Variants in ABCA2 observed in about 807,000 individuals in gnomAD.
ABCA2 encodes ATP-binding cassette sub-family A member 2.
A neutral mutation model predicts 262.8 loss-of-function variants in ABCA2; 84 were observed. The ratio of observed to expected loss-of-function variants is 0.32; its 90% confidence interval spans 0.27 to 0.38. The LOEUF is 0.38. ABCA2 is among the 10% of genes least tolerant of loss of function. ABCA2 has a pLI of 1.00. For synonymous variants in ABCA2, 1,696 were observed against 1,502.9 expected (o/e 1.13, Z -2.97); for missense variants, 2,662 against 3,405.9 (o/e 0.78, Z 5.44).
At position 137,017,029 on chromosome 9, in the gene ABCA2, C is replaced by T; in HGVS notation, c.2649G>A (p.Gln883=). The T allele has an allele frequency of 6.2e-7, 1 of 1,612,828 alleles. No homozygotes were observed. Among genetic ancestry groups the T allele is most frequent in the East Asian group, 2.2e-5 (1 of 44,886 alleles). The change falls in exon 19 of 49, where the codon CAG becomes CAA. Residue 883 remains glutamine, a synonymous_variant. Transcript: ENST00000341511. ...GVGIQWHTFS[Q]SPVEGDDFNL... is the part of the protein sequence containing the mutation. The stretch of plus-strand genomic sequence containing the variant: ...TGAAGTCGTCCCCCTCCACCGGGGA[C>T]TGGCTGAAGGTGTGCCACTGGATGC...
In ABCA2 at chr9:137,011,381, C is replaced by A. The variant is rs1215688639; in HGVS notation, c.5799+26G>T. On this transcript the variant is annotated intron_variant, in intron 37 of 48. Coordinates refer to ENST00000341511, the MANE Select transcript of ABCA2 (RefSeq NM_001606.5). The surrounding 1 kb of genome is among the most constrained non-coding windows in gnomAD (Gnocchi z 8.8). ...GGCACAGCCTCCGCAGGGTCCGCCACCCCCACCATGTCGTCACCGCCCCAC... is the reference window on the plus strand; with the variant it reads ...GGCACAGCCTCCGCAGGGTCCGCCAACCCCACCATGTCGTCACCGCCCCAC... The A allele has an allele frequency of 5.0e-6, 8 of 1,608,136 alleles. No individual in the cohort carries two copies. The highest frequency in any genetic ancestry group is 5.9e-6 in the Non-Finnish European group (7 of 1,177,624).
In ABCA2 at chr9:137,009,628, C is replaced by A. The variant is rs1830962266; in HGVS notation, c.6647G>T (p.Gly2216Val). ...GAAGCGCCGGGCCTTGGGGTCCATGCCTGTGGTGGGCTCGTCCTGGGGATG... is the reference window on the plus strand; with the variant it reads ...GAAGCGCCGGGCCTTGGGGTCCATGACTGTGGTGGGCTCGTCCTGGGGATG... ...AFIFLDEPTT[G>V]MDPKARRFLW... The change falls in exon 44 of 49, where the codon GGC (glycine) becomes GTC (valine). Residue 2216 changes from glycine to valine, a missense_variant. Coordinates refer to ENST00000341511, the MANE Select transcript of ABCA2 (RefSeq NM_001606.5). The A allele has an allele frequency of 6.2e-7, 1 of 1,612,916 alleles. No homozygotes were observed.
Position 137,019,527 on chromosome 9 carries a change from A to G in ABCA2, c.1426-221T>C, listed in dbSNP as rs1831380900. 3.9e-6 allele frequency: 2 copies of G among 518,942 alleles called. No homozygotes were observed. The highest frequency in any genetic ancestry group is 6.7e-6 in the Non-Finnish European group (2 of 297,608). 32.1% of individuals were successfully genotyped at this position (518,942 alleles called of 1,614,324 possible). A position where few individuals can be genotyped will look rare whatever the true frequency, so the allele number is the denominator to read the frequency against. On this transcript the variant is annotated intron_variant, in intron 10 of 48. Transcript: ENST00000341511. The surrounding 1 kb of genome is among the most constrained non-coding windows in gnomAD (Gnocchi z 4.4). ...AGCCTCCACCTCCCAGGCTCAAGGG[A>G]TCCTCCCGCCTCAGCCCTCCAAGTA...
intron 1 of ABCA2, among the ~76,000 whole-genome samples, chr9:137,025,809 G>A (rs1831635401): frequency 6.6e-6 from 1 of 152,186 alleles, no homozygotes; most frequent in Non-Finnish European, 1.5e-5. Flanking sequence ...TATAGCAACG[G>A]CCTCGCACGA....
intron 1 of ABCA2, 97 bp from the exon 2 acceptor site, chr9:137,024,333 C>T (rs1445512392): frequency 1.7e-5 from 18 of 1,085,836 alleles, no homozygotes; most frequent in Middle Eastern, 2.1e-4. Flanking sequence ...GACAGGACCA[C>T]GTGCTCCCTG....
chr9:137,021,243 C>G lies in ABCA2; in HGVS notation c.897+149G>C, dbSNP rs943836102. The G allele has an allele frequency of 7.8e-7, 1 of 1,284,034 alleles. No homozygotes were observed. Among genetic ancestry groups the G allele is most frequent in the South Asian group, 1.5e-5 (1 of 67,430 alleles). 79.5% of individuals were successfully genotyped at this position (1,284,034 alleles called of 1,614,324 possible). On this transcript the variant is annotated intron_variant, in intron 8 of 48. Coordinates refer to ENST00000341511, the MANE Select transcript of ABCA2 (RefSeq NM_001606.5). The surrounding 1 kb of genome is among the most constrained non-coding windows in gnomAD (Gnocchi z 6.0). ...TGGGATGGTGAGCAGGAGTGGGGCA[C>G]CAGCCATGGTGCCATTGGATACCCA...
chr9:137,021,254 G>T lies in ABCA2; in HGVS notation c.897+138C>A. On this transcript the variant is annotated intron_variant, in intron 8 of 48. Coordinates refer to ENST00000341511, the MANE Select transcript of ABCA2 (RefSeq NM_001606.5). The surrounding 1 kb of genome is among the most constrained non-coding windows in gnomAD (Gnocchi z 6.0). The stretch of plus-strand genomic sequence containing the variant: ...GCAGGAGTGGGGCACCAGCCATGGT[G>T]CCATTGGATACCCACCCACAGGCAG... The T allele has an allele frequency of 7.7e-7, 1 of 1,299,872 alleles. No individual in the cohort carries two copies. The highest frequency in any genetic ancestry group is 1.0e-6 in the Non-Finnish European group (1 of 962,382). The allele number at this position is 1,299,872 out of a possible 1,614,324, so 80.5% of individuals were successfully genotyped here.
In ABCA2 at chr9:137,011,541, G is replaced by T; in HGVS notation, c.5665C>A (p.Pro1889Thr). 1 of 1,584,908 alleles carries T rather than the reference G, an allele frequency of 6.3e-7. No homozygotes were observed. Among genetic ancestry groups the T allele is most frequent in the East Asian group, 2.3e-5 (1 of 43,454 alleles). Residue 1889 changes from proline (P) to threonine (T), a missense_variant, in exon 37 of 49, where the codon CCC becomes ACC. Physicochemically the swap from Pro to Thr is conservative, Grantham distance 38 (BLOSUM62 -1). This residue lies in a region of ABCA2 where 602 missense variants were observed against 897.4 expected (regional missense o/e 0.67). Coordinates refer to ENST00000341511, the MANE Select transcript of ABCA2 (RefSeq NM_001606.5). The surrounding 1 kb of genome is among the most constrained non-coding windows in gnomAD (Gnocchi z 8.8). ...LFLLYGWSIT[P>T]IMYPASFWFE... Reference sequence around the variant, plus strand: ...CAGAAGGAGGCCGGGTACATGATGGGCGTGATGGACCACCTGCGGGCAGGT... The same window carrying T: ...CAGAAGGAGGCCGGGTACATGATGGTCGTGATGGACCACCTGCGGGCAGGT...
chr9:137,023,076 A>G, intron 3 of ABCA2, 24 bp from the exon 4 acceptor site: 2 of 1,514,518 alleles, frequency 1.3e-6, no homozygotes, highest in Non-Finnish European at 1.8e-6. Flanking sequence ...GGGAGAGGGC[A>G]GGGTCGGGGG....
rs200669521 is a variant in ABCA2 at position 137,022,441 on chromosome 9, C to T, written c.477G>A (p.Pro159=). Residue 159 remains proline, a synonymous_variant, in exon 6 of 49, where the codon CCG becomes CCA. Coordinates refer to ENST00000341511, the MANE Select transcript of ABCA2 (RefSeq NM_001606.5). Reference sequence around the variant, plus strand: ...GCGTCAGGAAACGCCAGAGCTCCTGCGGGTTTCTGGCCACCGAGTCCAGAG... The same window carrying T: ...GCGTCAGGAAACGCCAGAGCTCCTGTGGGTTTCTGGCCACCGAGTCCAGAG... The part of the protein sequence containing the change: ...SFSLDSVARN[P]QELWRFLTQN... 1.1e-5 allele frequency: 18 copies of T among 1,611,764 alleles called. No individual in the cohort carries two copies. Among genetic ancestry groups the T allele is most frequent in the Admixed American group, 3.3e-5 (2 of 59,902 alleles).
Position 137,021,765 on chromosome 9 carries a change from G to A in ABCA2, c.678+126C>T, listed in dbSNP as rs1372103489. ...CCCCTCATGCCTGCCATAGACCCCT[G>A]GGACCCTCCCCCTCTCCCAGGAGGA... On this transcript the variant is annotated intron_variant, in intron 7 of 48. Coordinates refer to ENST00000341511, the MANE Select transcript of ABCA2 (RefSeq NM_001606.5). This position sits in a 1 kb window ranked among gnomAD's most constrained non-coding sequence, Gnocchi z 6.0. The A allele has an allele frequency of 8.0e-7, 1 of 1,246,196 alleles. No homozygotes were observed. The highest frequency in any genetic ancestry group is 1.1e-6 in the Non-Finnish European group (1 of 884,740). The allele number at this position is 1,246,196 out of a possible 1,614,324, so 77.2% of individuals were successfully genotyped here.
At chr9:137,014,447 C>A (rs752220782) in intron 26 of ABCA2, 43 bp from the exon 27 acceptor site, 50 of 1,537,798 alleles carry the variant, frequency 3.3e-5, no homozygotes, top group Non-Finnish European at 4.2e-5. Flanking sequence ...GGGCTACTGG[C>A]CCCTAGGCCT....
At position 137,012,529 on chromosome 9, in the gene ABCA2, C is replaced by A. The variant is rs1461882681; in HGVS notation, c.5143G>T (p.Ala1715Ser). ...KSIPASFGTR[A>S]PPMVRKIAVR... ...GCGATCTTCCGCACCATGGGTGGGG[C>A]CCTGGTGCCAAATGAGGCTGGGATG... The change falls in exon 32 of 49, where the codon GCC becomes TCC. Residue 1715 changes from alanine to serine, a missense_variant. By Grantham distance (99) the Ala-to-Ser change is moderately conservative. Transcript: ENST00000341511. 3.7e-6 allele frequency: 6 copies of A among 1,611,920 alleles called. No individual in the cohort carries two copies. In the African/African-American group the frequency reaches 6.7e-5, roughly 18 times the overall value.
rs1169488129 is a variant in ABCA2 at position 137,021,707 on chromosome 9, C to T, written c.679-97G>A. ...ACCCTGCCCCACCCACTGGCTGGCT[C>T]TGGGGCTGCCTGGGTCCCACGACAT... On this transcript the variant is annotated intron_variant, in intron 7 of 48. Coordinates refer to ENST00000341511, the MANE Select transcript of ABCA2 (RefSeq NM_001606.5). This position sits in a 1 kb window ranked among gnomAD's most constrained non-coding sequence, Gnocchi z 6.0. 6.7e-6 allele frequency: 9 copies of T among 1,343,510 alleles called. No individual in the cohort carries two copies. Among genetic ancestry groups the T allele is most frequent in the Non-Finnish European group, 9.2e-6 (9 of 980,356 alleles). 83.2% of individuals were successfully genotyped at this position (1,343,510 alleles called of 1,614,324 possible). A position where few individuals can be genotyped will look rare whatever the true frequency, so the allele number is the denominator to read the frequency against.
At chr9:137,014,656 G>C (rs1831191332) in intron 26 of ABCA2, 34 bp downstream of exon 26, 1 of 1,592,886 alleles carries the variant, frequency 6.3e-7, no homozygotes, top group Non-Finnish European at 8.5e-7. Flanking sequence ...CCTTGTGGGT[G>C]GGGTGGGCTG....
At chr9:137,008,900 G>GCCCCCCCCCCCCCCCCGCCCCCC (rs59031144) in intron 46 of ABCA2, 32 bp from the exon 47 acceptor site, 13 of 1,556,246 alleles carry the variant, frequency 8.4e-6, no homozygotes, top group African/African-American at 4.2e-5. Context: ...GCCTGGCAGC[G>GCCCCCCCCCCCCCCCCGCCCCCC]CCCCCCCACC....
chr9:137,028,381 G>T (rs1831736450), upstream of ABCA2: 6 of 641,410 alleles, frequency 9.4e-6, no homozygotes, highest in Admixed American at 1.3e-4. The surrounding 1 kb of genome is among the most constrained non-coding windows in gnomAD (Gnocchi z 6.9). Context: ...GGCGCCCGCC[G>T]CCCGCGCCGC....
chr9:137,018,381 G>T, intron 13 of ABCA2, 30 bp from the exon 14 acceptor site: 1 of 1,177,010 alleles, frequency 8.5e-7, no homozygotes, highest in Non-Finnish European at 1.2e-6. Flanking sequence ...GCGGGGCCAA[G>T]ATGCAGGGGC....
rs759986043 is a variant in ABCA2 at position 137,008,995 on chromosome 9, C to A, written c.6886G>T (p.Val2296Leu). The A allele has an allele frequency of 6.2e-7, 1 of 1,608,912 alleles. No individual in the cohort carries two copies. Among genetic ancestry groups the A allele is most frequent in the Non-Finnish European group, 8.5e-7 (1 of 1,179,760 alleles). ...AAGTTGCGGTTGAAGAACCGCACCA[C>A]GTCCTTCACACTCTGGCTGCTCTTG... ...RTKSSQSVKDVVRFFNRNFPE... is the reference protein window; with the variant it reads ...RTKSSQSVKDLVRFFNRNFPE... Residue 2296 changes from valine (V) to leucine (L), a missense_variant, in exon 46 of 49, where the codon GTG becomes TTG. Physicochemically the swap from Val to Leu is conservative, Grantham distance 32 (BLOSUM62 1). Transcript: ENST00000341511.
Sources: allele counts gnomAD v4.1 joint callset (sites outside exome capture counted in the v4.1 genomes callset), GRCh38; gene constraint gnomAD v4.1.1; regional missense constraint gnomAD v4.1.1; non-coding constraint Gnocchi (gnomAD v3.1); transcripts MANE v1.5; gene names NCBI Gene and HGNC (gene_info 2026-07-23, HGNC 2026-07-21).